Variants in PDE10A observed in about 807,000 individuals in gnomAD.
PDE10A encodes phosphodiesterase 10A.
A neutral mutation model predicts 97.7 loss-of-function variants in PDE10A; 39 were observed. The ratio of observed to expected loss-of-function variants is 0.40; its 90% CI spans 0.31 to 0.52. PDE10A has a LOEUF of 0.52. Ranked by LOEUF, PDE10A falls within the 20% of genes least tolerant of loss-of-function variation. The pLI is 0.56. For missense variants in PDE10A, 731 were observed against 1,047.8 expected (o/e 0.70, Z 4.17); for synonymous variants, 371 against 376.8 (o/e 0.98, Z 0.18).
intron 1 of PDE10A, among the ~76,000 whole-genome samples, chr6:165,588,287 T>C (rs917345786): frequency 1.5e-5 from 1 of 68,734 alleles, no homozygotes. Flanking sequence ...TTTTCTTTTT[T>C]TTTTTTTTTT....
At chr6:165,606,129 A>C (rs1011290736) in intron 1 of PDE10A, among the ~76,000 whole-genome samples, 1 of 149,522 alleles carries the variant, frequency 6.7e-6, no homozygotes, top group Admixed American at 6.7e-5. Context: ...GACCTTGAGC[A>C]AATTATTAAC....
At chr6:165,623,352 A>T (rs1222068177) in intron 1 of PDE10A, among the ~76,000 whole-genome samples, 1 of 152,130 alleles carries the variant, frequency 6.6e-6, no homozygotes, top group African/African-American at 2.4e-5. Flanking sequence ...CCCTGGCCTC[A>T]AGTGATCTGC....
intron 18 of PDE10A, among the ~76,000 whole-genome samples, chr6:165,373,397 A>C (rs1784396386): frequency 6.6e-6 from 1 of 152,196 alleles, no homozygotes; most frequent in Non-Finnish European, 1.5e-5. Flanking sequence ...AAAAACAAAC[A>C]ACCCCATCAA....
intron 1 of PDE10A, among the ~76,000 whole-genome samples, chr6:165,958,592 AGAAAGAAAGAGAGAAAGG>A (rs1784243311): frequency 7.0e-6 from 1 of 143,120 alleles, no homozygotes; most frequent in Non-Finnish European, 1.6e-5. Flanking sequence ...ACAGAAAGAG[AGAAAGAAAGAGAGAAAGG>A]AAGGAAGGAA....
At chr6:165,498,341 T>C (rs1182654126) in intron 2 of PDE10A, among the ~76,000 whole-genome samples, 1 of 142,690 alleles carries the variant, frequency 7.0e-6, no homozygotes, top group Non-Finnish European at 1.5e-5. Context: ...GAGGATCACT[T>C]GAGCCCAGGA....
chr6:165,615,856 A>AACCT (rs1787703791), intron 1 of PDE10A, among the ~76,000 whole-genome samples: 2 of 152,148 alleles, frequency 1.3e-5, no homozygotes, highest in African/African-American at 4.8e-5. Flanking sequence ...CCTATGATCT[A>AACCT]ACCTCATGTT....
chr6:165,442,142 TA>T (rs2128244126), intron 5 of PDE10A, among the ~76,000 whole-genome samples: 1 of 152,298 alleles, frequency 6.6e-6, no homozygotes, highest in African/African-American at 2.4e-5. Context: ...AAAAGAGGTT[TA>T]ATTTTTTTTA....
chr6:165,495,150 T>C (rs762378475), intron 2 of PDE10A, among the ~76,000 whole-genome samples: 2 of 152,158 alleles, frequency 1.3e-5, no homozygotes, highest in Non-Finnish European at 2.9e-5. Context: ...ACCGAATAAA[T>C]GTCTCCAATC....
In PDE10A at chr6:165,943,299, G is replaced by GA. The variant is rs771074063; in HGVS notation, c.-615+44229dup. Among the ~76,000 whole-genome samples the GA allele has an allele frequency of 1.3e-3, 165 of 124,830 alleles. 7 individuals are homozygous for GA. Among genetic ancestry groups the GA allele is most frequent in the East Asian group, 4.2e-3 (17 of 4,010 alleles). The allele number at this position is 124,830 out of a possible 152,430, so 81.9% of individuals were successfully genotyped here. ...GGAAAGAAAGAAAGAAAGAAGGAAA[G>GA]AAAGAAAGAAGGAAGGAAGGAAAGA... On this transcript the variant is annotated intron_variant, in intron 1 of 19. Coordinates refer to the PDE10A transcript ENST00000366882.
Position 165,807,395 on chromosome 6 carries a change from G to A in PDE10A, c.-615+180134C>T, listed in dbSNP as rs147222552. Among the ~76,000 whole-genome samples, 198 of 152,174 alleles carry A rather than the reference G, an allele frequency of 1.3e-3. 7 individuals carry two copies. The highest frequency in any genetic ancestry group is 0.011 in the Admixed American group (172 of 15,290). On this transcript the variant is annotated intron_variant, in intron 1 of 19. Transcript: ENST00000366882. The stretch of plus-strand genomic sequence containing the variant: ...GTCAACTCCTCAATAAACAGATGCA[G>A]GGCTCCAGGCATCACTCTGAGTTCA...
intron 2 of PDE10A, among the ~76,000 whole-genome samples, chr6:165,526,317 C>A (rs1782443390): frequency 6.6e-6 from 1 of 152,082 alleles, no homozygotes; most frequent in South Asian, 2.1e-4. Context: ...TACATTGGGT[C>A]TAGTGGGTCC....
chr6:165,357,691 T>C (rs1783116802), intron 18 of PDE10A, among the ~76,000 whole-genome samples: 2 of 152,154 alleles, frequency 1.3e-5, no homozygotes, highest in South Asian at 2.1e-4. Context: ...CAATGTAATC[T>C]AAGTGCTATC....
intron 10 of PDE10A, among the ~76,000 whole-genome samples, chr6:165,427,566 T>C (rs1350624088): frequency 6.6e-6 from 1 of 152,136 alleles, no homozygotes; most frequent in Non-Finnish European, 1.5e-5. Context: ...CTAAAATTGA[T>C]TGATGATAGT....
intron 1 of PDE10A, among the ~76,000 whole-genome samples, chr6:165,583,969 TG>T (rs1205484878): frequency 6.6e-6 from 1 of 152,164 alleles, no homozygotes; most frequent in African/African-American, 2.4e-5. Flanking sequence ...TCCAATGAAC[TG>T]GAAGTTGAGA....
intron 1 of PDE10A, among the ~76,000 whole-genome samples, chr6:165,857,606 GAA>G (rs1780775774): frequency 1.3e-4 from 1 of 7,962 alleles, no homozygotes; most frequent in African/African-American, 1.2e-3. Flanking sequence ...GGCTTATGCA[GAA>G]GCTGAGAAGC....
At chr6:165,420,341 CA>C (rs536669936) in intron 10 of PDE10A, among the ~76,000 whole-genome samples, 1 of 151,884 alleles carries the variant, frequency 6.6e-6, no homozygotes, top group South Asian at 2.1e-4. Flanking sequence ...TGGCCCTTTA[CA>C]AAAAAAAGTT....
At chr6:165,751,832 T>C (rs543967992) in intron 1 of PDE10A, among the ~76,000 whole-genome samples, 1 of 152,018 alleles carries the variant, frequency 6.6e-6, no homozygotes, top group South Asian at 2.1e-4. Flanking sequence ...TCCCTTAATT[T>C]ACATGTAATT....
chr6:165,767,555 G>T (rs1777888491), intron 1 of PDE10A, among the ~76,000 whole-genome samples: 1 of 152,190 alleles, frequency 6.6e-6, no homozygotes, highest in South Asian at 2.1e-4. Flanking sequence ...GGACCTCTTT[G>T]ACTGGCTTCT....
At chr6:165,875,124 C>T (rs1374473025) in intron 1 of PDE10A, among the ~76,000 whole-genome samples, 1 of 152,144 alleles carries the variant, frequency 6.6e-6, no homozygotes, top group Admixed American at 6.5e-5. Flanking sequence ...GGACAGGTGC[C>T]TTGGGTTCAT....
Sources: gnomAD v4.1 joint callset for allele counts (sites outside exome capture counted in the v4.1 genomes callset) on GRCh38, gnomAD v4.1.1 for gene constraint, MANE v1.5 for transcripts, NCBI Gene and HGNC (gene_info 2026-07-23, HGNC 2026-07-21) for gene names.